The following HSD17B11 variants were observed in gnomAD, a reference collection of about 807,000 sequenced individuals.
HSD17B11 encodes the protein hydroxysteroid 17-beta dehydrogenase 11.
In HSD17B11, 22 loss-of-function variants were observed where a neutral mutation model predicts 27.8. The ratio of observed to expected loss-of-function variants is 0.79; its 90% CI spans 0.56 to 1.13. HSD17B11 has a LOEUF of 1.13. Ranked by LOEUF, HSD17B11 falls within the 50% of genes most tolerant of loss-of-function variation. The pLI, the probability that HSD17B11 is intolerant of heterozygous loss-of-function variation, is 0.00. For missense variants in HSD17B11, 314 were observed against 351.1 expected, an observed-to-expected ratio of 0.89 and a Z score of 0.84; for synonymous variants, 117 against 132.8, an observed-to-expected ratio of 0.88 and a Z score of 0.82.
chr4:87,385,501 T>A (rs1254322052), intron 1 of HSD17B11, among the ~76,000 whole-genome samples: 5 of 152,028 alleles, frequency 3.3e-5, no homozygotes, highest in African/African-American at 1.2e-4. Context: ...TGGAGAGAAA[T>A]AGAAGAGATC....
intron 5 of HSD17B11, among the ~76,000 whole-genome samples, chr4:87,356,624 T>C (rs1735392959): frequency 6.6e-6 from 1 of 152,240 alleles, no homozygotes. Flanking sequence ...TTTCGATTTG[T>C]ATTTTTCATT....
chr4:87,370,391 C>T (rs1307186916), intron 4 of HSD17B11, among the ~76,000 whole-genome samples: 1 of 152,090 alleles, frequency 6.6e-6, no homozygotes, highest in Non-Finnish European at 1.5e-5. Context: ...AATCTTATAG[C>T]ATTCTAAATA....
intron 1 of HSD17B11, among the ~76,000 whole-genome samples, chr4:87,389,531 G>A (rs895551209): frequency 2.0e-5 from 3 of 152,108 alleles, no homozygotes; most frequent in African/African-American, 7.2e-5. Flanking sequence ...GCCTGCACTT[G>A]TAATTACTTA....
chr4:87,378,236 T>C (rs774788183), intron 2 of HSD17B11, among the ~76,000 whole-genome samples: 4 of 152,264 alleles, frequency 2.6e-5, no homozygotes, highest in Non-Finnish European at 5.9e-5. Flanking sequence ...TACTATTTTA[T>C]ATTACCAAAG....
At chr4:87,343,827 C>T (rs1467147988) in intron 5 of HSD17B11, among the ~76,000 whole-genome samples, 2 of 152,072 alleles carry the variant, frequency 1.3e-5, no homozygotes, top group Admixed American at 1.3e-4. Context: ...GGATTACAGG[C>T]GTGAGCCACT....
intron 1 of HSD17B11, among the ~76,000 whole-genome samples, chr4:87,385,346 T>G (rs570242876): frequency 6.6e-6 from 1 of 152,266 alleles, no homozygotes; most frequent in Non-Finnish European, 1.5e-5. Flanking sequence ...ACCATATGAA[T>G]GTACTTATAT....
In HSD17B11 at chr4:87,357,948, A is replaced by ATTTTTTTTTTTTTTTTTTTTTTTTTTTT. The variant is rs748955521; in HGVS notation, c.558-533_558-532insAAAAAAAAAAAAAAAAAAAAAAAAAAAA. Among the ~76,000 whole-genome samples the ATTTTTTTTTTTTTTTTTTTTTTTTTTTT allele has an allele frequency of 3.1e-5, 3 of 97,316 alleles. 1 individual carries two copies. The highest frequency in any genetic ancestry group is 1.0e-4 in the Admixed American group (1 of 9,830). 63.8% of individuals were successfully genotyped at this position (97,316 alleles called of 152,430 possible). On this transcript the variant is annotated intron_variant, in intron 4 of 6. Coordinates refer to ENST00000358290, the MANE Select transcript of HSD17B11 (RefSeq NM_016245.5). ...TTTGTAACTGAACATTCATTAGAGA[A>ATTTTTTTTTTTTTTTTTTTTTTTTTTTT]ATTTTTTTTTTTTTTTTTTTTTTTT... is the stretch of plus-strand genomic sequence containing the variant.
At chr4:87,374,628 T>A (rs1735783407) in intron 3 of HSD17B11, 71 bp downstream of exon 3, 31 of 1,415,102 alleles carry the variant, frequency 2.2e-5, no homozygotes, top group Non-Finnish European at 2.9e-5. Flanking sequence ...CTTCCTTATG[T>A]CTGCTAAAAG....
At chr4:87,361,053 A>G (rs572962280) in intron 4 of HSD17B11, among the ~76,000 whole-genome samples, 1 of 152,350 alleles carries the variant, frequency 6.6e-6, no homozygotes, top group Admixed American at 6.5e-5. Context: ...TCCATCTTAA[A>G]TAGGAGCTGG....
chr4:87,357,077 T>G (rs1735401370), intron 5 of HSD17B11, among the ~76,000 whole-genome samples: 1 of 152,244 alleles, frequency 6.6e-6, no homozygotes, highest in South Asian at 2.1e-4. Flanking sequence ...GTCATTCATA[T>G]TTACTTTTTT....
chr4:87,387,975 C>G (rs529319025), intron 1 of HSD17B11, among the ~76,000 whole-genome samples: 1 of 152,140 alleles, frequency 6.6e-6, no homozygotes, highest in South Asian at 2.1e-4. Flanking sequence ...TCTCCTAAGC[C>G]CAGCAGCTGG....
chr4:87,371,028 A>G (rs1411308883), intron 4 of HSD17B11, among the ~76,000 whole-genome samples: 1 of 136,606 alleles, frequency 7.3e-6, no homozygotes, highest in African/African-American at 3.1e-5. Context: ...CTGGGATTAC[A>G]GGCGTGAGCC....
In HSD17B11 at chr4:87,378,867, AATAT is replaced by A. The variant is rs1213867988; in HGVS notation, c.318+3384_318+3387del. Among the ~76,000 whole-genome samples, 123 of 13,478 alleles carry A rather than the reference AATAT, an allele frequency of 9.1e-3. 26 individuals are homozygous for A. The highest frequency in any genetic ancestry group is 0.059 in the Middle Eastern group (2 of 34). 8.8% of individuals were successfully genotyped at this position (13,478 alleles called of 152,430 possible). On this transcript the variant is annotated intron_variant, in intron 2 of 6. Coordinates refer to ENST00000358290, the MANE Select transcript of HSD17B11 (RefSeq NM_016245.5). ...ATAAATATATATATAAATATATATA[AATAT>A]ATATATATAAATATATATATATAAA...
chr4:87,361,417 C>T (rs954770668), intron 4 of HSD17B11, among the ~76,000 whole-genome samples: 1 of 152,170 alleles, frequency 6.6e-6, no homozygotes, highest in Admixed American at 6.5e-5. Flanking sequence ...AACCAGCACC[C>T]CTTGGGGCTG....
At chr4:87,379,817 T>C (rs1354860751) in intron 2 of HSD17B11, among the ~76,000 whole-genome samples, 4 of 142,668 alleles carry the variant, frequency 2.8e-5, no homozygotes, top group African/African-American at 7.8e-5. Flanking sequence ...AGTATTATAG[T>C]ATTAATAGTA....
In HSD17B11 at chr4:87,383,465, T is replaced by G. The variant is rs1720225008; in HGVS notation, c.211-1103A>C. On this transcript the variant is annotated intron_variant, in intron 1 of 6. Coordinates refer to ENST00000358290, the MANE Select transcript of HSD17B11 (RefSeq NM_016245.5). ...TAGAAAAAATGTAGAGGAAAGAATA[T>G]CCTTTAAAATATATGTTTAGAAGGT... 1.3e-5 allele frequency among the ~76,000 whole-genome samples: 2 copies of G among 152,180 alleles called. 1 individual carries two copies. Among genetic ancestry groups the G allele is most frequent in the African/African-American group, 4.8e-5 (2 of 41,514 alleles).
rs1560761373 is a variant in HSD17B11 at position 87,357,948 on chromosome 4, AAT to A, written c.558-534_558-533del. Among the ~76,000 whole-genome samples the A allele has an allele frequency of 1.2e-4, 12 of 97,390 alleles. 1 individual carries two copies. The highest frequency in any genetic ancestry group is 1.0e-3 in the East Asian group (3 of 2,862). The allele number at this position is 97,390 out of a possible 152,430, so 63.9% of individuals were successfully genotyped here. A position where few individuals can be genotyped will look rare whatever the true frequency, so the allele number is the denominator to read the frequency against. ...TTTGTAACTGAACATTCATTAGAGA[AAT>A]TTTTTTTTTTTTTTTTTTTTTTTTT... On this transcript the variant is annotated intron_variant, in intron 4 of 6. Transcript: ENST00000358290.
chr4:87,356,580 A>G (rs7667924), intron 5 of HSD17B11, among the ~76,000 whole-genome samples: 131,231 of 152,154 alleles, frequency 0.86, 57,014 homozygotes, highest in African/African-American at 0.96. Flanking sequence ...GTTTCCACTC[A>G]ATAGAGGGTT....
At chr4:87,364,174 T>A (rs577280744) in intron 4 of HSD17B11, among the ~76,000 whole-genome samples, 1 of 151,450 alleles carries the variant, frequency 6.6e-6, no homozygotes, top group East Asian at 1.9e-4. Flanking sequence ...TTTTGTCTTG[T>A]TACTATTAAT....
Sources: gnomAD v4.1 joint callset for allele counts (sites outside exome capture counted in the v4.1 genomes callset) on GRCh38, gnomAD v4.1.1 for gene constraint, MANE v1.5 for transcripts, NCBI Gene and HGNC (gene_info 2026-07-23, HGNC 2026-07-21) for gene names.